Variants in KCTD11 observed in about 807,000 individuals in gnomAD.
The protein encoded by KCTD11 is BTB/POZ domain-containing protein KCTD11.
In KCTD11, 8 loss-of-function variants were observed where a neutral mutation model predicts 10.7. The observed-to-expected ratio is 0.74, with a 90% CI of 0.44 to 1.34. The LOEUF is 1.34. Among genes scored for constraint, KCTD11 ranks in the 40% most tolerant of loss-of-function variants. The probability of loss-of-function intolerance (pLI) is 0.01; values close to 1 mark genes in which losing one functional copy is unlikely to be tolerated. For synonymous variants in KCTD11, 153 were observed against 160.8 expected, an observed-to-expected ratio of 0.95 and a Z score of 0.37; for missense variants, 346 against 356.1, an observed-to-expected ratio of 0.97 and a Z score of 0.23.
chr17:7,353,145 C>T lies in KCTD11; in HGVS notation c.320C>T (p.Pro107Leu). The T allele has an allele frequency of 6.2e-7, 1 of 1,612,918 alleles. No homozygotes were observed. The highest frequency in any genetic ancestry group is 1.1e-5 in the South Asian group (1 of 91,058). The stretch of plus-strand genomic sequence containing the variant: ...GAGGCTGACTTCTACCAGATCCGGC[C>T]CCTCCTGGACGCGCTGCGGGAACTG... Residue 107 changes from proline (P) to leucine (L), a missense_variant, in exon 1 of 1, where the codon CCC becomes CTC. Coordinates refer to ENST00000333751, the MANE Select transcript of KCTD11 (RefSeq NM_001363642.1). This position sits in a 1 kb window ranked among gnomAD's most constrained non-coding sequence, Gnocchi z 4.9.
Position 7,352,740 on chromosome 17 carries a change from C to T in KCTD11, c.-86C>T. ...TGCTCCACCTGTGCCTCCAACCCAGCGAATCTGACAGCTTCGACCCAATTC... is the reference window on the plus strand; with the variant it reads ...TGCTCCACCTGTGCCTCCAACCCAGTGAATCTGACAGCTTCGACCCAATTC... On this transcript the variant is annotated 5_prime_UTR_variant, in exon 1 of 1. Transcript: ENST00000333751. This position sits in a 1 kb window ranked among gnomAD's most constrained non-coding sequence, Gnocchi z 4.5. 1 of 548,890 alleles carries T rather than the reference C, an allele frequency of 1.8e-6. No homozygotes were observed. Among genetic ancestry groups the T allele is most frequent in the Non-Finnish European group, 3.2e-6 (1 of 309,268 alleles). The allele number at this position is 548,890 out of a possible 1,614,324, so 34.0% of individuals were successfully genotyped here. A position where few individuals can be genotyped will look rare whatever the true frequency, so the allele number is the denominator to read the frequency against.
chr17:7,352,568 G>T lies in KCTD11; in HGVS notation c.-258G>T. The T allele has an allele frequency of 2.4e-6, 1 of 416,068 alleles. No individual in the cohort carries two copies. Among genetic ancestry groups the T allele is most frequent in the Non-Finnish European group, 4.3e-6 (1 of 233,870 alleles). 25.8% of individuals were successfully genotyped at this position (416,068 alleles called of 1,614,324 possible). Reference sequence around the variant, plus strand: ...TCGCTGACCACCCCAAATCGGATACGTCCAGACCTCAAGCTCCCTTCCCCT... The same window carrying T: ...TCGCTGACCACCCCAAATCGGATACTTCCAGACCTCAAGCTCCCTTCCCCT... On this transcript the variant is annotated 5_prime_UTR_variant, in exon 1 of 1. Transcript: ENST00000333751. This position sits in a 1 kb window ranked among gnomAD's most constrained non-coding sequence, Gnocchi z 4.5.
rs1202032462 is a variant in KCTD11 at position 7,354,163 on chromosome 17, C to G, written c.*522C>G. Reference sequence around the variant, plus strand: ...TCTTTGCTATGTTCCAAGCCATCTACTGAGGGAGGCAGAAAGGCCACAACC... The same window carrying G: ...TCTTTGCTATGTTCCAAGCCATCTAGTGAGGGAGGCAGAAAGGCCACAACC... On this transcript the variant is annotated 3_prime_UTR_variant, in exon 1 of 1. Transcript: ENST00000333751. 1 of 168,126 alleles carries G rather than the reference C, an allele frequency of 5.9e-6. No individual in the cohort carries two copies. Among genetic ancestry groups the G allele is most frequent in the East Asian group, 1.9e-4 (1 of 5,202 alleles). 10.4% of individuals were successfully genotyped at this position (168,126 alleles called of 1,614,324 possible). A position where few individuals can be genotyped will look rare whatever the true frequency, so the allele number is the denominator to read the frequency against.
At position 7,353,022 on chromosome 17, in the gene KCTD11, A is replaced by G. The variant is rs767047615; in HGVS notation, c.197A>G (p.Asp66Gly). The change falls in exon 1 of 1, where the codon GAC (aspartate) becomes GGC (glycine). Residue 66 changes from aspartate to glycine, a missense_variant. Asp to Gly is a moderately conservative substitution (Grantham distance 94, BLOSUM62 -1). Coordinates refer to ENST00000333751, the MANE Select transcript of KCTD11 (RefSeq NM_001363642.1). This position sits in a 1 kb window ranked among gnomAD's most constrained non-coding sequence, Gnocchi z 4.9. ...CAAGGAGGCGGCCACTACTTCATCG[A>G]CCGGGATGGCAAGGCCTTCCGGCAC... The G allele has an allele frequency of 1.9e-6, 3 of 1,613,094 alleles. No homozygotes were observed. In the Admixed American group the frequency reaches 5.0e-5, roughly 27 times the overall value.
In KCTD11 at chr17:7,352,887, T is replaced by TG; in HGVS notation, c.68dup (p.Thr24HisfsTer23). The stretch of plus-strand genomic sequence containing the variant: ...TTTGGGGGCCCCGTGACCCTGAATG[T>TG]GGGGGGCACACTATATTCCACCACT... On this transcript the variant is annotated frameshift_variant, in exon 1 of 1. Coordinates refer to ENST00000333751, the MANE Select transcript of KCTD11 (RefSeq NM_001363642.1). LOFTEE classifies it high-confidence loss of function. This position sits in a 1 kb window ranked among gnomAD's most constrained non-coding sequence, Gnocchi z 4.5. The TG allele has an allele frequency of 6.8e-6, 10 of 1,462,232 alleles. No individual in the cohort carries two copies. Among genetic ancestry groups the TG allele is most frequent in the Non-Finnish European group, 8.3e-6 (9 of 1,084,880 alleles). The allele number at this position is 1,462,232 out of a possible 1,614,324, so 90.6% of individuals were successfully genotyped here. A position where few individuals can be genotyped will look rare whatever the true frequency, so the allele number is the denominator to read the frequency against.
In KCTD11 at chr17:7,353,616, G is replaced by C; in HGVS notation, c.791G>C (p.Arg264Thr). The C allele has an allele frequency of 6.6e-7, 1 of 1,522,538 alleles. No homozygotes were observed. The highest frequency in any genetic ancestry group is 8.8e-7 in the Non-Finnish European group (1 of 1,136,462). 94.3% of individuals were successfully genotyped at this position (1,522,538 alleles called of 1,614,324 possible). Residue 264 changes from arginine (R) to threonine (T), a missense_variant, in exon 1 of 1, where the codon AGG becomes ACG. Coordinates refer to ENST00000333751, the MANE Select transcript of KCTD11 (RefSeq NM_001363642.1). This position sits in a 1 kb window ranked among gnomAD's most constrained non-coding sequence, Gnocchi z 4.9. ...GACCCCGAAGACCTGCTCAACTCCAGGTCTCTGCGCTTTGTCCGGCACTGA... is the reference window on the plus strand; with the variant it reads ...GACCCCGAAGACCTGCTCAACTCCACGTCTCTGCGCTTTGTCCGGCACTGA...
rs1358316431 is a variant in KCTD11 at position 7,353,180 on chromosome 17, C to G, written c.355C>G (p.Gln119Glu). The G allele has an allele frequency of 6.2e-7, 1 of 1,613,402 alleles. No homozygotes were observed. The change falls in exon 1 of 1, where the codon CAG becomes GAG. Residue 119 changes from glutamine to glutamate, a missense_variant. Coordinates refer to ENST00000333751, the MANE Select transcript of KCTD11 (RefSeq NM_001363642.1). The surrounding 1 kb of genome is among the most constrained non-coding windows in gnomAD (Gnocchi z 4.9). The stretch of plus-strand genomic sequence containing the variant: ...CGCGCTGCGGGAACTGGAGGCCTCT[C>G]AGGGGACCCCTGCACCCACAGCTGC...
chr17:7,354,796 A>G lies in KCTD11; in HGVS notation c.*1155A>G. 5.1e-6 allele frequency: 1 copy of G among 196,988 alleles called. No homozygotes were observed. Among genetic ancestry groups the G allele is most frequent in the Non-Finnish European group, 1.1e-5 (1 of 87,168 alleles). The allele number at this position is 196,988 out of a possible 1,614,324, so 12.2% of individuals were successfully genotyped here. ...GACGAAGAGTTTGGGACAGTGGGGG[A>G]GGAGATGGGAAGGGATGGGATTTCT... On this transcript the variant is annotated 3_prime_UTR_variant, in exon 1 of 1. Coordinates refer to ENST00000333751, the MANE Select transcript of KCTD11 (RefSeq NM_001363642.1).
chr17:7,353,731 T>C lies in KCTD11; in HGVS notation c.*90T>C. 2 of 1,276,274 alleles carry C rather than the reference T, an allele frequency of 1.6e-6. No individual in the cohort carries two copies. Among genetic ancestry groups the C allele is most frequent in the Non-Finnish European group, 2.1e-6 (2 of 934,820 alleles). 79.1% of individuals were successfully genotyped at this position (1,276,274 alleles called of 1,614,324 possible). A position where few individuals can be genotyped will look rare whatever the true frequency, so the allele number is the denominator to read the frequency against. ...CTTTCCAGCTCTGCTTCAGGAGCTA[T>C]GAGAGTCGGGACTCTCCTGCACCTG... On this transcript the variant is annotated 3_prime_UTR_variant, in exon 1 of 1. Coordinates refer to ENST00000333751, the MANE Select transcript of KCTD11 (RefSeq NM_001363642.1). This position sits in a 1 kb window ranked among gnomAD's most constrained non-coding sequence, Gnocchi z 4.9.
chr17:7,352,261 C>G lies in KCTD11; in HGVS notation c.-565C>G, dbSNP rs995735993. ...TCCTGGCTGTTTCCATCAGAGCCCTCGGACACTCCCAGCCCGGGCTGAGCA... is the reference window on the plus strand; with the variant it reads ...TCCTGGCTGTTTCCATCAGAGCCCTGGGACACTCCCAGCCCGGGCTGAGCA... On this transcript the variant is annotated 5_prime_UTR_variant, in exon 1 of 1. Transcript: ENST00000333751. The surrounding 1 kb of genome is among the most constrained non-coding windows in gnomAD (Gnocchi z 4.5). 1 of 152,288 alleles carries G rather than the reference C, an allele frequency of 6.6e-6. No homozygotes were observed. Among genetic ancestry groups the G allele is most frequent in the Non-Finnish European group, 1.5e-5 (1 of 68,092 alleles). The allele number at this position is 152,288 out of a possible 1,614,324, so 9.4% of individuals were successfully genotyped here.
In KCTD11 at chr17:7,353,105, G is replaced by C. The variant is rs373184206; in HGVS notation, c.280G>C (p.Ala94Pro). Residue 94 changes from alanine (A) to proline (P), a missense_variant, in exon 1 of 1, where the codon GCG (alanine) becomes CCG (proline). Coordinates refer to ENST00000333751, the MANE Select transcript of KCTD11 (RefSeq NM_001363642.1). This position sits in a 1 kb window ranked among gnomAD's most constrained non-coding sequence, Gnocchi z 4.9. Reference sequence around the variant, plus strand: ...CCTGCCCCGTGGGTACGGAGAGACAGCGCTGCTCAGGGCAGAGGCTGACTT... The same window carrying C: ...CCTGCCCCGTGGGTACGGAGAGACACCGCTGCTCAGGGCAGAGGCTGACTT... 16 of 1,613,304 alleles carry C rather than the reference G, an allele frequency of 9.9e-6. No homozygotes were observed. The highest frequency in any genetic ancestry group is 1.4e-5 in the Non-Finnish European group (16 of 1,179,784).
Position 7,353,603 on chromosome 17 carries a change from C to T in KCTD11, c.778C>T (p.Leu260=). ...CTCTGTCTTCCCCGACCCCGAAGACCTGCTCAACTCCAGGTCTCTGCGCTT... is the reference window on the plus strand; with the variant it reads ...CTCTGTCTTCCCCGACCCCGAAGACTTGCTCAACTCCAGGTCTCTGCGCTT... The change falls in exon 1 of 1, where the codon CTG becomes TTG. Residue 260 remains leucine, a synonymous_variant. Transcript: ENST00000333751. This position sits in a 1 kb window ranked among gnomAD's most constrained non-coding sequence, Gnocchi z 4.9. The T allele has an allele frequency of 2.6e-6, 4 of 1,527,066 alleles. No homozygotes were observed. Among genetic ancestry groups the T allele is most frequent in the Non-Finnish European group, 2.6e-6 (3 of 1,138,222 alleles). 94.6% of individuals were successfully genotyped at this position (1,527,066 alleles called of 1,614,324 possible). A position where few individuals can be genotyped will look rare whatever the true frequency, so the allele number is the denominator to read the frequency against.
In KCTD11 at chr17:7,352,582, C is replaced by T. The variant is rs1047929447; in HGVS notation, c.-244C>T. ...AAATCGGATACGTCCAGACCTCAAG[C>T]TCCCTTCCCCTCTCTGGCTGCCCTC... On this transcript the variant is annotated 5_prime_UTR_variant, in exon 1 of 1. Coordinates refer to ENST00000333751, the MANE Select transcript of KCTD11 (RefSeq NM_001363642.1). The surrounding 1 kb of genome is among the most constrained non-coding windows in gnomAD (Gnocchi z 4.5). 1.1e-5 allele frequency: 5 copies of T among 435,986 alleles called. No homozygotes were observed. The highest frequency in any genetic ancestry group is 2.0e-5 in the Non-Finnish European group (5 of 246,354). The allele number at this position is 435,986 out of a possible 1,614,324, so 27.0% of individuals were successfully genotyped here.
Position 7,353,485 on chromosome 17 carries a change from TG to T in KCTD11, c.666del (p.Pro223GlnfsTer28). ...GACTGGGGCTGCAGCCGCTGTGGAC[TG>T]GGGGGCCAGGAGAGCGGCGGGAGGT... On this transcript the variant is annotated frameshift_variant, in exon 1 of 1. Coordinates refer to ENST00000333751, the MANE Select transcript of KCTD11 (RefSeq NM_001363642.1). LOFTEE classifies it high-confidence loss of function. The surrounding 1 kb of genome is among the most constrained non-coding windows in gnomAD (Gnocchi z 4.9). 1.9e-6 allele frequency: 3 copies of T among 1,604,648 alleles called. No homozygotes were observed. Among genetic ancestry groups the T allele is most frequent in the Non-Finnish European group, 8.5e-7 (1 of 1,174,322 alleles).
rs2073451381 is a variant in KCTD11 at position 7,354,340 on chromosome 17, C to T, written c.*699C>T. 6.0e-6 allele frequency: 1 copy of T among 167,236 alleles called. No homozygotes were observed. Among genetic ancestry groups the T allele is most frequent in the Admixed American group, 6.5e-5 (1 of 15,284 alleles). The allele number at this position is 167,236 out of a possible 1,614,324, so 10.4% of individuals were successfully genotyped here. ...CCTGGCCTTTCTTCATGTGTGCGTG[C>T]ATATCAGCCCGTGTGGCTGACTGAT... On this transcript the variant is annotated 3_prime_UTR_variant, in exon 1 of 1. Coordinates refer to ENST00000333751, the MANE Select transcript of KCTD11 (RefSeq NM_001363642.1).
chr17:7,354,076 G>A lies in KCTD11; in HGVS notation c.*435G>A, dbSNP rs899523240. On this transcript the variant is annotated 3_prime_UTR_variant, in exon 1 of 1. Coordinates refer to ENST00000333751, the MANE Select transcript of KCTD11 (RefSeq NM_001363642.1). ...ACCATGGCTTCTACTCCTGAAGCTG[G>A]GTGGCCTGGCCTGGCCTGACCAATG... 5.7e-6 allele frequency: 1 copy of A among 176,572 alleles called. No individual in the cohort carries two copies. The highest frequency in any genetic ancestry group is 6.0e-5 in the Admixed American group (1 of 16,706). 10.9% of individuals were successfully genotyped at this position (176,572 alleles called of 1,614,324 possible).
chr17:7,353,078 G>A lies in KCTD11; in HGVS notation c.253G>A (p.Asp85Asn). The change falls in exon 1 of 1, where the codon GAC becomes AAC. Residue 85 changes from aspartate to asparagine, a missense_variant. Transcript: ENST00000333751. The surrounding 1 kb of genome is among the most constrained non-coding windows in gnomAD (Gnocchi z 4.9). ...CAATTTCCTGAGGCTGGGCCGCCTGGACCTGCCCCGTGGGTACGGAGAGAC... is the reference window on the plus strand; with the variant it reads ...CAATTTCCTGAGGCTGGGCCGCCTGAACCTGCCCCGTGGGTACGGAGAGAC... The A allele has an allele frequency of 6.2e-7, 1 of 1,613,532 alleles. No homozygotes were observed.
In KCTD11 at chr17:7,353,342, C is replaced by T; in HGVS notation, c.517C>T (p.Leu173=). Residue 173 remains leucine, a synonymous_variant, in exon 1 of 1, where the codon CTA becomes TTA. Transcript: ENST00000333751. This position sits in a 1 kb window ranked among gnomAD's most constrained non-coding sequence, Gnocchi z 4.9. ...CCTTTTCTGCACCGACTCTGAGTGT[C>T]TAGGTGCTTTGCGGGCCCGATTTGG... The T allele has an allele frequency of 1.9e-6, 3 of 1,614,160 alleles. No homozygotes were observed. The South Asian group carries it at 3.3e-5, about 18-fold the overall frequency.
chr17:7,353,837 T>A lies in KCTD11; in HGVS notation c.*196T>A. The A allele has an allele frequency of 1.9e-6, 1 of 531,830 alleles. No individual in the cohort carries two copies. The highest frequency in any genetic ancestry group is 3.3e-6 in the Non-Finnish European group (1 of 305,542). 32.9% of individuals were successfully genotyped at this position (531,830 alleles called of 1,614,324 possible). A position where few individuals can be genotyped will look rare whatever the true frequency, so the allele number is the denominator to read the frequency against. On this transcript the variant is annotated 3_prime_UTR_variant, in exon 1 of 1. Coordinates refer to ENST00000333751, the MANE Select transcript of KCTD11 (RefSeq NM_001363642.1). This position sits in a 1 kb window ranked among gnomAD's most constrained non-coding sequence, Gnocchi z 4.9. The stretch of plus-strand genomic sequence containing the variant: ...AAGTGGTCCAGAAGGTCTCAACCTG[T>A]GCTGACCCTGGGAGGGGTAGGGAAG...
Sources: gnomAD v4.1 joint callset for allele counts on GRCh38, gnomAD v4.1.1 for gene constraint, Gnocchi (gnomAD v3.1) non-coding constraint, MANE v1.5 for transcripts, NCBI Gene and HGNC (gene_info 2026-07-23, HGNC 2026-07-21) for gene names.